FMN1: variants seen among roughly 807,000 people sequenced by gnomAD.
The protein encoded by FMN1 is formin-1.
Under a neutral mutation model 132.4 loss-of-function variants are expected in FMN1, and 110 were observed. The observed-to-expected ratio is 0.83, with a 90% confidence interval of 0.71 to 0.97. The LOEUF (loss-of-function observed/expected upper bound fraction) is 0.97, where lower values mean the gene tolerates loss of function less well. Ranked by LOEUF, FMN1 falls within the 50% of genes least tolerant of loss-of-function variation. The pLI, the probability that FMN1 is intolerant of heterozygous loss-of-function variation, is 0.00. For missense variants in FMN1, 1,792 were observed against 1,705.3 expected (o/e 1.05, Z -0.90); for synonymous variants, 722 against 651.7 (o/e 1.11, Z -1.64).
chr15:32,958,429 T>C (rs943924500), intron 9 of FMN1, among the ~76,000 whole-genome samples: 1 of 152,212 alleles, frequency 6.6e-6, no homozygotes, highest in Non-Finnish European at 1.5e-5. Context: ...AGTCACTTTA[T>C]CTTTCTCGGT....
chr15:33,025,849 A>C (rs1432286396), intron 6 of FMN1, among the ~76,000 whole-genome samples: 2 of 152,214 alleles, frequency 1.3e-5, no homozygotes, highest in Non-Finnish European at 2.9e-5. Flanking sequence ...AATATCTTTC[A>C]AGAACTTTCA....
rs1488077145 is a variant in FMN1 at position 32,771,587 on chromosome 15, A to G, written c.*2723T>C. The stretch of plus-strand genomic sequence containing the variant: ...TAAGTTAAGGGTTCTTAGAGTTACT[A>G]CTAAGTCAGGTGTGTCTGGTTAGAT... On this transcript the variant is annotated 3_prime_UTR_variant, in exon 21 of 21. Coordinates refer to ENST00000616417, the MANE Select transcript of FMN1 (RefSeq NM_001277313.2). 2 of 152,218 alleles carry G rather than the reference A, an allele frequency of 1.3e-5. No individual in the cohort carries two copies. The highest frequency in any genetic ancestry group is 1.9e-4 in the East Asian group (1 of 5,188). The allele number at this position is 152,218 out of a possible 1,614,324, so 9.4% of individuals were successfully genotyped here.
chr15:33,144,297 T>C (rs996615147), intron 4 of FMN1, among the ~76,000 whole-genome samples: 5 of 152,176 alleles, frequency 3.3e-5, no homozygotes, highest in African/African-American at 4.8e-5. Context: ...AGGTATCCTA[T>C]ACGATCTCTG....
intron 4 of FMN1, among the ~76,000 whole-genome samples, chr15:33,124,239 C>T (rs1169197140): frequency 6.6e-6 from 1 of 150,446 alleles, no homozygotes; most frequent in Non-Finnish European, 1.5e-5. Context: ...AAAAAGGAAA[C>T]AGATGTTATG....
At chr15:33,023,067 A>G (rs1177273852) in intron 6 of FMN1, among the ~76,000 whole-genome samples, 5 of 79,974 alleles carry the variant, frequency 6.3e-5, no homozygotes, top group Admixed American at 3.0e-4. Context: ...CCCAAAAAAA[A>G]AAAAAAAAAA....
chr15:32,974,169 A>AT (rs1478457725), intron 7 of FMN1, among the ~76,000 whole-genome samples: 2 of 152,182 alleles, frequency 1.3e-5, no homozygotes, highest in Non-Finnish European at 2.9e-5. Context: ...CCCTCCATTT[A>AT]TTTTTAGACC....
intron 8 of FMN1, among the ~76,000 whole-genome samples, chr15:32,967,524 G>A (rs761180997): frequency 2.0e-5 from 3 of 152,194 alleles, no homozygotes; most frequent in Admixed American, 6.5e-5. Context: ...TTGGGAAAAA[G>A]GGAATACTAG....
chr15:32,989,436 T>C (rs1032009805), intron 7 of FMN1, among the ~76,000 whole-genome samples: 1 of 152,096 alleles, frequency 6.6e-6, no homozygotes, highest in Non-Finnish European at 1.5e-5. Context: ...AAAATGATGA[T>C]TGTGAGAAAT....
intron 9 of FMN1, among the ~76,000 whole-genome samples, chr15:32,945,002 G>T (rs1337752319): frequency 6.6e-6 from 1 of 152,148 alleles, no homozygotes; most frequent in Non-Finnish European, 1.5e-5. Context: ...CTAGACTCTA[G>T]AATTATGAGA....
chr15:33,118,251 C>T (rs34130718), intron 4 of FMN1, among the ~76,000 whole-genome samples: 1 of 152,152 alleles, frequency 6.6e-6, no homozygotes, highest in African/African-American at 2.4e-5. Context: ...GCAATTATAT[C>T]GTAAGAGATT....
intron 16 of FMN1, among the ~76,000 whole-genome samples, chr15:32,863,577 A>T (rs1026387296): frequency 6.6e-6 from 1 of 152,234 alleles, no homozygotes; most frequent in Non-Finnish European, 1.5e-5. Context: ...GCCCTCAGAC[A>T]TTATAGTGAA....
intron 4 of FMN1, among the ~76,000 whole-genome samples, chr15:33,118,149 T>C (rs1480160544): frequency 6.6e-6 from 1 of 152,190 alleles, no homozygotes; most frequent in Non-Finnish European, 1.5e-5. Context: ...CACCACAAAA[T>C]GTAGTTTGCA....
chr15:33,189,801 C>T (rs764099082), intron 2 of FMN1, among the ~76,000 whole-genome samples: 1 of 152,166 alleles, frequency 6.6e-6, no homozygotes, highest in Non-Finnish European at 1.5e-5. Flanking sequence ...CTGTATTAAG[C>T]CAAGGATGGA....
In FMN1 at chr15:33,048,631, CAAA is replaced by C. The variant is rs768997793; in HGVS notation, c.2161+16323_2161+16325del. Among the ~76,000 whole-genome samples, 47 of 43,434 alleles carry C rather than the reference CAAA, an allele frequency of 1.1e-3. 2 individuals carry two copies. The highest frequency in any genetic ancestry group is 2.0e-3 in the Admixed American group (7 of 3,474). 28.5% of individuals were successfully genotyped at this position (43,434 alleles called of 152,430 possible). A position where few individuals can be genotyped will look rare whatever the true frequency, so the allele number is the denominator to read the frequency against. ...ATACACTCGAGACTGGGCAATTTACCAAAAAAAAAAAAAAAAAACCAACAGTTT... is the reference window on the plus strand; with the variant it reads ...ATACACTCGAGACTGGGCAATTTACCAAAAAAAAAAAAAAACCAACAGTTT... On this transcript the variant is annotated intron_variant, in intron 6 of 20. Transcript: ENST00000616417.
rs574846539 is a variant in FMN1, at chr15:33,082,379, C to T, written c.2043+6420G>A. Among the ~76,000 whole-genome samples the T allele has an allele frequency of 2.0e-5, 3 of 152,288 alleles. No homozygotes were observed. In the South Asian group the frequency reaches 6.2e-4, roughly 32 times the overall value. ...TGCAAAATCTTATTTCCAGAGAGTA[C>T]TGCCACCAGGATATAATCCTAATGA... On this transcript the variant is annotated intron_variant, in intron 5 of 20. Coordinates refer to ENST00000616417, the MANE Select transcript of FMN1 (RefSeq NM_001277313.2).
intron 4 of FMN1, among the ~76,000 whole-genome samples, chr15:33,112,914 CCCTAGGCAGT>C (rs2039767146): frequency 6.6e-6 from 1 of 152,240 alleles, no homozygotes; most frequent in Admixed American, 6.5e-5. Context: ...GTTACAGCTG[CCCTAGGCAGT>C]CCTGGTGTAC....
rs1051480953 is a variant in FMN1, at chr15:32,901,107, T to C, written c.3507+804A>G. Among the ~76,000 whole-genome samples the C allele has an allele frequency of 3.3e-5, 5 of 152,044 alleles. No individual in the cohort carries two copies. The South Asian group carries it at 1.0e-3, about 32-fold the overall frequency. ...AGGCAGAGGTTGCAATGAGCCGAGA[T>C]CACGCTACTGCACTCCAGCCTGGGC... is the stretch of plus-strand genomic sequence containing the variant. On this transcript the variant is annotated intron_variant, in intron 13 of 20. Transcript: ENST00000616417.
chr15:33,189,222 G>A (rs1396256916), intron 2 of FMN1, among the ~76,000 whole-genome samples: 3 of 152,180 alleles, frequency 2.0e-5, no homozygotes, highest in Admixed American at 6.5e-5. Context: ...AAGAGGGAAA[G>A]CCCGGCTAGT....
intron 16 of FMN1, among the ~76,000 whole-genome samples, chr15:32,862,193 T>C (rs1459675362): frequency 1.3e-5 from 2 of 151,754 alleles, no homozygotes. Flanking sequence ...AGGAGAGAGG[T>C]CATGGACAGA....
Sources: gnomAD v4.1 joint callset for allele counts (sites outside exome capture counted in the v4.1 genomes callset) on GRCh38, gnomAD v4.1.1 for gene constraint, MANE v1.5 for transcripts, NCBI Gene and HGNC (gene_info 2026-07-23, HGNC 2026-07-21) for gene names.